Variants in C12orf56 observed in about 807,000 individuals in gnomAD.
The protein encoded by C12orf56 is chromosome 12 open reading frame 56, also known as uncharacterized protein C12orf56.
Under a neutral mutation model 69.9 loss-of-function variants are expected in C12orf56, and 71 were observed. That is an observed-to-expected ratio of 1.02 (90% CI 0.84 to 1.24). C12orf56 has a LOEUF of 1.24. Ranked by LOEUF, C12orf56 falls within the 50% of genes most tolerant of loss-of-function variation. The pLI is 0.00. For missense variants in C12orf56, 732 were observed against 738.5 expected (o/e 0.99, Z 0.10); for synonymous variants, 276 against 274.1 (o/e 1.01, Z -0.07).
Position 64,265,172 on chromosome 12 carries a change from G to A in C12orf56, c.*2011C>T, listed in dbSNP as rs546501060. ...CCGGTTTGAGGTAATACTTGCCTAT[G>A]TTCCAAGAATCTTTTCATATTCCTT... On this transcript the variant is annotated 3_prime_UTR_variant, in exon 13 of 13. Coordinates refer to ENST00000543942, the MANE Select transcript of C12orf56 (RefSeq NM_001170633.2). 1 of 152,200 alleles carries A rather than the reference G, an allele frequency of 6.6e-6. No individual in the cohort carries two copies. The highest frequency in any genetic ancestry group is 2.4e-5 in the African/African-American group (1 of 41,438). 9.4% of individuals were successfully genotyped at this position (152,200 alleles called of 1,614,324 possible).
chr12:64,310,214 C>G (rs1327751036), intron 5 of C12orf56, among the ~76,000 whole-genome samples: 1 of 151,884 alleles, frequency 6.6e-6, no homozygotes, highest in Non-Finnish European at 1.5e-5. Context: ...ACTATGTTGC[C>G]TAGGCTGGTC....
chr12:64,340,881 G>A (rs2039065873), intron 2 of C12orf56, among the ~76,000 whole-genome samples: 1 of 152,080 alleles, frequency 6.6e-6, no homozygotes, highest in Non-Finnish European at 1.5e-5. Flanking sequence ...ATTCATGAAG[G>A]GTCTGGGTCA....
intron 3 of C12orf56, among the ~76,000 whole-genome samples, chr12:64,329,613 T>C (rs1403428608): frequency 2.7e-5 from 4 of 149,376 alleles, no homozygotes; most frequent in African/African-American, 4.9e-5. Context: ...GCCATGCTGG[T>C]GCGCTGCACC....
intron 12 of C12orf56, chr12:64,267,608 G>T (rs2037932777): frequency 2.3e-5 from 6 of 264,740 alleles, no homozygotes; most frequent in Non-Finnish European, 2.8e-5. Flanking sequence ...GAAATGAAAG[G>T]GTCAAGCTGT....
rs771673302 is a variant in C12orf56 at position 64,330,970 on chromosome 12, A to T, written c.478T>A (p.Ser160Thr). The change falls in exon 3 of 13, where the codon TCT becomes ACT. Residue 160 changes from serine to threonine, a missense_variant. Ser to Thr is a moderately conservative substitution (Grantham distance 58, BLOSUM62 1). Transcript: ENST00000543942. The part of the protein sequence containing the change: ...RSKESRSLKE[S>T]PLRDQQESST... ...AAACAACAATCTCACCTGAGAGGAGATTCTTTCAGACTTCTGGACTCTTTG... is the reference window on the plus strand; with the variant it reads ...AAACAACAATCTCACCTGAGAGGAGTTTCTTTCAGACTTCTGGACTCTTTG... 12 of 1,554,616 alleles carry T rather than the reference A, an allele frequency of 7.7e-6. No homozygotes were observed. The highest frequency in any genetic ancestry group is 1.0e-5 in the Non-Finnish European group (12 of 1,148,256).
At chr12:64,318,030 CACCTT>C (rs2136836718) in intron 4 of C12orf56, among the ~76,000 whole-genome samples, 1 of 146,122 alleles carries the variant, frequency 6.8e-6, no homozygotes, top group Non-Finnish European at 1.5e-5. Flanking sequence ...TTCCATGACT[CACCTT>C]ACCTACCTCT....
chr12:64,323,696 A>G (rs1404943912), intron 3 of C12orf56, among the ~76,000 whole-genome samples: 1 of 150,690 alleles, frequency 6.6e-6, no homozygotes, highest in East Asian at 2.0e-4. Context: ...TTTGTTTAAG[A>G]GATGGGGTTT....
In C12orf56 at chr12:64,339,137, C is replaced by A. The variant is rs1033789166; in HGVS notation, c.416-8105G>T. 4.6e-5 allele frequency among the ~76,000 whole-genome samples: 7 copies of A among 152,082 alleles called. No homozygotes were observed. In the South Asian group the frequency reaches 1.0e-3, roughly 23 times the overall value. ...CTCAGGCCTGTCGGCTTCTTTGGGT[C>A]TTCATTTCTCTTCTATGAAGTTTCC... On this transcript the variant is annotated intron_variant, in intron 2 of 12. Coordinates refer to ENST00000543942, the MANE Select transcript of C12orf56 (RefSeq NM_001170633.2).
intron 8 of C12orf56, among the ~76,000 whole-genome samples, chr12:64,278,125 T>C (rs2038078324): frequency 6.6e-6 from 1 of 152,198 alleles, no homozygotes; most frequent in Non-Finnish European, 1.5e-5. Flanking sequence ...GGACTTTTTA[T>C]GGATTGCTAA....
chr12:64,321,093 A>G (rs1213515831), intron 3 of C12orf56, among the ~76,000 whole-genome samples: 2 of 152,220 alleles, frequency 1.3e-5, no homozygotes, highest in East Asian at 1.9e-4. Flanking sequence ...TAGTGGACCT[A>G]GGACTTCATT....
At position 64,383,477 on chromosome 12, in the gene C12orf56, A is replaced by G. The variant is rs564428026; in HGVS notation, c.252+6837T>C. ...CTGCAACCTCCACCTCCCGGGTTCA[A>G]GCAATTCTCCTGTCTCAGCCCTCCG... On this transcript the variant is annotated intron_variant, in intron 1 of 12. Transcript: ENST00000543942. Among the ~76,000 whole-genome samples, 256 of 152,206 alleles carry G rather than the reference A, an allele frequency of 1.7e-3. 1 individual carries two copies. The highest frequency in any genetic ancestry group is 5.9e-3 in the African/African-American group (244 of 41,550).
At chr12:64,275,654 G>A (rs2038041600) in intron 9 of C12orf56, among the ~76,000 whole-genome samples, 1 of 152,092 alleles carries the variant, frequency 6.6e-6, no homozygotes, top group African/African-American at 2.4e-5. Context: ...TTTTTGTAGA[G>A]ATGAGGTCTC....
At chr12:64,308,045 G>A (rs984434145) in intron 5 of C12orf56, among the ~76,000 whole-genome samples, 6 of 151,752 alleles carry the variant, frequency 4.0e-5, no homozygotes, top group Non-Finnish European at 7.4e-5. Flanking sequence ...ACGGCTGGGC[G>A]CGGTGGCTCG....
chr12:64,270,618 G>C lies in C12orf56; in HGVS notation c.1681C>G (p.Gln561Glu). 1.2e-6 allele frequency: 2 copies of C among 1,613,776 alleles called. No homozygotes were observed. Among genetic ancestry groups the C allele is most frequent in the African/African-American group, 1.3e-5 (1 of 75,026 alleles). Residue 561 changes from glutamine (Q) to glutamate (E), a missense_variant, in exon 12 of 13, where the codon CAA becomes GAA. By Grantham distance (29) the Gln-to-Glu change is conservative. Coordinates refer to ENST00000543942, the MANE Select transcript of C12orf56 (RefSeq NM_001170633.2). The stretch of plus-strand genomic sequence containing the variant: ...AGACAGCTCTTGAGGATGTAAAATT[G>C]CTGGTACAACAGAACTGCTTGGCAG... Reference protein sequence around the residue: ...SPCQAVLLYQQFYILKSCLRH... With the variant: ...SPCQAVLLYQEFYILKSCLRH...
At chr12:64,270,822 A>C in intron 11 of C12orf56, 108 bp from the exon 12 acceptor site, 2 of 840,720 alleles carry the variant, frequency 2.4e-6, no homozygotes, top group Admixed American at 2.6e-5. Flanking sequence ...CACTACCCTA[A>C]CACCACTGTT....
intron 2 of C12orf56, among the ~76,000 whole-genome samples, chr12:64,333,525 A>G (rs1017955365): frequency 6.6e-6 from 1 of 151,660 alleles, no homozygotes; most frequent in Non-Finnish European, 1.5e-5. Flanking sequence ...TTTTTTGAGA[A>G]GAGTCTCACT....
At chr12:64,360,917 G>C (rs1297311415) in intron 1 of C12orf56, among the ~76,000 whole-genome samples, 3 of 152,098 alleles carry the variant, frequency 2.0e-5, no homozygotes, top group Admixed American at 2.0e-4. Context: ...TCTTTTAAGT[G>C]TAATTGCATA....
intron 1 of C12orf56, among the ~76,000 whole-genome samples, chr12:64,384,909 C>A (rs1224079605): frequency 2.6e-5 from 4 of 151,976 alleles, no homozygotes; most frequent in Non-Finnish European, 5.9e-5. Flanking sequence ...CAAAAATTAA[C>A]CGGGTGTGGT....
At position 64,337,854 on chromosome 12, in the gene C12orf56, C is replaced by CAAA. The variant is rs748434656; in HGVS notation, c.416-6825_416-6823dup. Among the ~76,000 whole-genome samples, 589 of 90,656 alleles carry CAAA rather than the reference C, an allele frequency of 6.5e-3. 12 individuals are homozygous for CAAA. Among genetic ancestry groups the CAAA allele is most frequent in the African/African-American group, 0.02 (466 of 23,216 alleles). 59.5% of individuals were successfully genotyped at this position (90,656 alleles called of 152,430 possible). ...CCTGGGTAACAGAGCAAAATTCTGT[C>CAAA]AAAAAAAAAAAAAAAAAAAACACCA... On this transcript the variant is annotated intron_variant, in intron 2 of 12. Transcript: ENST00000543942.
Sources: allele counts gnomAD v4.1 joint callset (sites outside exome capture counted in the v4.1 genomes callset), GRCh38; gene constraint gnomAD v4.1.1; transcripts MANE v1.5; gene names NCBI Gene and HGNC (gene_info 2026-07-23, HGNC 2026-07-21).